MARK1: variants seen among roughly 807,000 people sequenced by gnomAD.
MARK1 encodes the protein serine/threonine-protein kinase MARK1.
Under a neutral mutation model 96.3 loss-of-function variants are expected in MARK1, and 40 were observed. That is an observed-to-expected ratio of 0.42 (90% CI 0.32 to 0.54). The LOEUF is 0.54. Among genes scored for constraint, MARK1 ranks in the 20% least tolerant of loss-of-function variants. MARK1 has a pLI of 0.16. For synonymous variants in MARK1, 317 were observed against 341.2 expected (o/e 0.93, Z 0.78); for missense variants, 719 against 984.6 (o/e 0.73, Z 3.61).
intron 1 of MARK1, among the ~76,000 whole-genome samples, chr1:220,575,595 A>G (rs747630413): frequency 2.0e-4 from 30 of 152,136 alleles, no homozygotes; most frequent in Non-Finnish European, 3.7e-4. Flanking sequence ...ATTTTTGAAA[A>G]TATTTGTTTT....
intron 15 of MARK1, 103 bp from the exon 16 acceptor site, chr1:220,652,998 G>A (rs1668965052): frequency 2.3e-6 from 3 of 1,324,206 alleles, no homozygotes; most frequent in South Asian, 2.8e-5. Context: ...AAATAAAGTA[G>A]GGCCAAAAGA....
chr1:220,572,604 T>C (rs1447446472), intron 1 of MARK1, among the ~76,000 whole-genome samples: 2 of 152,220 alleles, frequency 1.3e-5, no homozygotes, highest in African/African-American at 2.4e-5. Context: ...AAATCTCTGA[T>C]TGTGGTTTTG....
rs1666865202 is a variant in MARK1 at position 220,618,254 on chromosome 1, A to G, written c.553-56A>G. The G allele has an allele frequency of 8.8e-7, 1 of 1,139,096 alleles. No individual in the cohort carries two copies. Among genetic ancestry groups the G allele is most frequent in the Non-Finnish European group, 1.3e-6 (1 of 771,620 alleles). 70.6% of individuals were successfully genotyped at this position (1,139,096 alleles called of 1,614,324 possible). The stretch of plus-strand genomic sequence containing the variant: ...TTTGGAAGCTAAAACTCTTTTACAA[A>G]TATTTTTATTTTATGTAGGCTTTTT... On this transcript the variant is annotated intron_variant, in intron 7 of 17. Coordinates refer to ENST00000366917, the MANE Select transcript of MARK1 (RefSeq NM_018650.5). The surrounding 1 kb of genome is among the most constrained non-coding windows in gnomAD (Gnocchi z 4.6).
At chr1:220,536,462 A>G (rs1660690491) in intron 1 of MARK1, among the ~76,000 whole-genome samples, 1 of 151,848 alleles carries the variant, frequency 6.6e-6, no homozygotes, top group African/African-American at 2.4e-5. Context: ...ATTTTATACA[A>G]TTATGACTAT....
intron 1 of MARK1, among the ~76,000 whole-genome samples, chr1:220,548,571 C>G (rs1486366556): frequency 6.6e-6 from 1 of 152,088 alleles, no homozygotes; most frequent in African/African-American, 2.4e-5. Flanking sequence ...GAAACTCCAT[C>G]TCTACTGAAA....
intron 10 of MARK1, among the ~76,000 whole-genome samples, 186 bp downstream of exon 10, chr1:220,631,320 A>G (rs1409828288): frequency 6.6e-6 from 1 of 152,190 alleles, no homozygotes; most frequent in Non-Finnish European, 1.5e-5. Context: ...GTTCCCATAT[A>G]TATTATGGTC....
intron 2 of MARK1, among the ~76,000 whole-genome samples, chr1:220,580,353 G>T (rs1203197142): frequency 6.6e-6 from 1 of 151,860 alleles, no homozygotes; most frequent in Non-Finnish European, 1.5e-5. Context: ...GCTTGGTGGT[G>T]TGCAACTGTA....
intron 5 of MARK1, 82 bp from the exon 6 acceptor site, chr1:220,603,985 C>A: frequency 1.3e-6 from 1 of 789,910 alleles, no homozygotes; most frequent in Non-Finnish European, 2.0e-6. Flanking sequence ...TCTTTATAAA[C>A]AAGGAAAAAA....
intron 13 of MARK1, among the ~76,000 whole-genome samples, chr1:220,647,804 A>G (rs552863278): frequency 2.2e-4 from 33 of 152,340 alleles, no homozygotes; most frequent in African/African-American, 7.0e-4. Flanking sequence ...CAGAAAACCA[A>G]CACCACATGT....
chr1:220,551,313 C>A (rs1572064244), intron 1 of MARK1, among the ~76,000 whole-genome samples: 1 of 152,206 alleles, frequency 6.6e-6, no homozygotes, highest in East Asian at 1.9e-4. Context: ...TTACTGTTTT[C>A]ATTTCTGCCT....
Position 220,598,316 on chromosome 1 carries a change from T to C in MARK1, c.310-15T>C. ...TTTTTTTAACAGAAATATATCTACC[T>C]GTTTTCTTTAACAGTTATTTCGAGA... On this transcript the variant is annotated splice_polypyrimidine_tract_variant and intron_variant, in intron 3 of 17. Transcript: ENST00000366917. 1 of 627,078 alleles carries C rather than the reference T, an allele frequency of 1.6e-6. No homozygotes were observed. Among genetic ancestry groups the C allele is most frequent in the Admixed American group, 2.4e-5 (1 of 42,436 alleles). 38.8% of individuals were successfully genotyped at this position (627,078 alleles called of 1,614,324 possible). A position where few individuals can be genotyped will look rare whatever the true frequency, so the allele number is the denominator to read the frequency against.
At chr1:220,578,478 C>G (rs796164932) in intron 1 of MARK1, among the ~76,000 whole-genome samples, 25 of 152,264 alleles carry the variant, frequency 1.6e-4, no homozygotes, top group African/African-American at 6.0e-4. Context: ...GATTATGGAC[C>G]TGGGCAGGAC....
At chr1:220,554,233 C>T (rs1249258756) in intron 1 of MARK1, among the ~76,000 whole-genome samples, 1 of 152,172 alleles carries the variant, frequency 6.6e-6, no homozygotes, top group Non-Finnish European at 1.5e-5. Flanking sequence ...ACTTCCTGCT[C>T]ACCAGATCTA....
intron 1 of MARK1, among the ~76,000 whole-genome samples, chr1:220,577,517 A>G (rs368801220): frequency 6.6e-6 from 1 of 152,232 alleles, no homozygotes; most frequent in East Asian, 1.9e-4. Flanking sequence ...GTTGGCATGC[A>G]TCAGAATCAC....
Position 220,635,942 on chromosome 1 carries a change from C to T in MARK1, c.1386C>T (p.Gly462=). 1 of 1,613,904 alleles carries T rather than the reference C, an allele frequency of 6.2e-7. No homozygotes were observed. Among genetic ancestry groups the T allele is most frequent in the Non-Finnish European group, 8.5e-7 (1 of 1,179,934 alleles). ...ACAAAGATGTGGCTCGAAAACTTGG[C>T]AGCACAACAGTTGGATCAAAAAGCG... ...EWDKDVARKL[G]STTVGSKSEM... Residue 462 remains glycine, a synonymous_variant, in exon 13 of 18, where the codon GGC becomes GGT. Coordinates refer to ENST00000366917, the MANE Select transcript of MARK1 (RefSeq NM_018650.5).
chr1:220,541,541 C>T (rs1035550966), intron 1 of MARK1, among the ~76,000 whole-genome samples: 2 of 152,036 alleles, frequency 1.3e-5, no homozygotes, highest in East Asian at 1.9e-4. Flanking sequence ...GTTGTGTCGC[C>T]GTCTATTCCT....
chr1:220,630,232 G>A (rs1382717572), intron 9 of MARK1, among the ~76,000 whole-genome samples: 1 of 152,102 alleles, frequency 6.6e-6, no homozygotes, highest in African/African-American at 2.4e-5. Flanking sequence ...ATGCTTGTTG[G>A]CCACTTATGT....
chr1:220,624,366 G>A (rs1019199596), intron 9 of MARK1, among the ~76,000 whole-genome samples: 5 of 150,844 alleles, frequency 3.3e-5, no homozygotes, highest in South Asian at 2.1e-4. Context: ...TTGGGAGGCC[G>A]AGGTGGGCGG....
intron 3 of MARK1, among the ~76,000 whole-genome samples, chr1:220,587,464 G>C (rs1045823834): frequency 6.6e-6 from 1 of 151,966 alleles, no homozygotes; most frequent in Non-Finnish European, 1.5e-5. Flanking sequence ...CACTTCCTGG[G>C]TTCAGGTGAT....
Sources: gnomAD v4.1 joint callset for allele counts (sites outside exome capture counted in the v4.1 genomes callset) on GRCh38, gnomAD v4.1.1 for gene constraint, Gnocchi (gnomAD v3.1) non-coding constraint, MANE v1.5 for transcripts, NCBI Gene and HGNC (gene_info 2026-07-23, HGNC 2026-07-21) for gene names.